Variants in ARHGAP23 observed in about 807,000 individuals in gnomAD.
ARHGAP23 encodes rho GTPase-activating protein 23.
ARHGAP23 carries 34 observed loss-of-function variants against 136.3 expected under a neutral mutation model. The observed-to-expected ratio is 0.25, with a 90% CI of 0.19 to 0.33. ARHGAP23 has a LOEUF of 0.33. Among genes scored for constraint, ARHGAP23 ranks in the 10% least tolerant of loss-of-function variants. The pLI, the probability that ARHGAP23 is intolerant of heterozygous loss-of-function variation, is 1.00. For synonymous variants in ARHGAP23, 832 were observed against 920.5 expected, an observed-to-expected ratio of 0.90 and a Z score of 1.74; for missense variants, 1,808 against 2,139.0, an observed-to-expected ratio of 0.85 and a Z score of 3.05.
chr17:38,471,753 T>C lies in ARHGAP23; in HGVS notation c.1975-110T>C, dbSNP rs1314610164. On this transcript the variant is annotated intron_variant, in intron 10 of 23. Coordinates refer to ENST00000622683, the MANE Select transcript of ARHGAP23 (RefSeq NM_001199417.2). ...CATGAGGTCGCACAGCACATCGGGG[T>C]GTAGCACAGACATATATCAGGCCTG... 2.4e-6 allele frequency: 3 copies of C among 1,274,784 alleles called. No individual in the cohort carries two copies. The African/African-American group carries it at 4.5e-5, about 19-fold the overall frequency. 79.0% of individuals were successfully genotyped at this position (1,274,784 alleles called of 1,614,324 possible). A position where few individuals can be genotyped will look rare whatever the true frequency, so the allele number is the denominator to read the frequency against.
chr17:38,467,371 T>C (rs771432044), intron 7 of ARHGAP23, 40 bp downstream of exon 7: 3 of 1,448,308 alleles, frequency 2.1e-6, no homozygotes, highest in Non-Finnish European at 2.7e-6. Context: ...GGGACTTAGC[T>C]GTCGGCTGTC....
chr17:38,433,227 C>T (rs903986003), intron 1 of ARHGAP23, among the ~76,000 whole-genome samples: 6 of 152,132 alleles, frequency 3.9e-5, no homozygotes, highest in Non-Finnish European at 5.9e-5. Flanking sequence ...TCCCAAAGTG[C>T]GGGGATTACA....
chr17:38,477,951 C>T lies in ARHGAP23; in HGVS notation c.2436+55C>T, dbSNP rs182653546. 6.5e-5 allele frequency: 100 copies of T among 1,531,082 alleles called. No homozygotes were observed. Among genetic ancestry groups the T allele is most frequent in the African/African-American group, 2.1e-4 (15 of 72,646 alleles). 94.8% of individuals were successfully genotyped at this position (1,531,082 alleles called of 1,614,324 possible). On this transcript the variant is annotated intron_variant, in intron 12 of 23. Coordinates refer to ENST00000622683, the MANE Select transcript of ARHGAP23 (RefSeq NM_001199417.2). This position sits in a 1 kb window ranked among gnomAD's most constrained non-coding sequence, Gnocchi z 6.6. ...GAGGGCGGGCGGGGTGGCCTCTCAC[C>T]GGCTGTGGACCTGGGATGCCCGCTC...
intron 3 of ARHGAP23, among the ~76,000 whole-genome samples, chr17:38,462,247 C>CTTTTTTTTTTTTTTTTT (rs59822011): frequency 2.1e-5 from 1 of 46,850 alleles, no homozygotes; most frequent in East Asian, 1.2e-3. Flanking sequence ...CGCACCCGGC[C>CTTTTTTTTTTTTTTTTT]TTTTTTTTTT....
At chr17:38,502,725 A>T (rs1289214185) in intron 23 of ARHGAP23, among the ~76,000 whole-genome samples, 1 of 152,198 alleles carries the variant, frequency 6.6e-6, no homozygotes, top group Non-Finnish European at 1.5e-5. Context: ...ATGGAAAAAT[A>T]TGTGGCTTGA....
chr17:38,475,392 C>A (rs1473437135), intron 11 of ARHGAP23, among the ~76,000 whole-genome samples: 1 of 152,220 alleles, frequency 6.6e-6, no homozygotes, highest in African/African-American at 2.4e-5. Context: ...CAGAGAGGTG[C>A]CCTTGTCACC....
chr17:38,446,881 A>G (rs1397629451), intron 1 of ARHGAP23, among the ~76,000 whole-genome samples: 1 of 151,870 alleles, frequency 6.6e-6, no homozygotes, highest in Admixed American at 6.6e-5. Flanking sequence ...TCATAGCATC[A>G]TAGCTCACTG....
At chr17:38,432,904 C>G (rs1181755185) in intron 1 of ARHGAP23, among the ~76,000 whole-genome samples, 1 of 152,146 alleles carries the variant, frequency 6.6e-6, no homozygotes, top group African/African-American at 2.4e-5. Context: ...AGATGTACTC[C>G]TTGTTCACTG....
Position 38,497,749 on chromosome 17 carries a change from T to C in ARHGAP23, c.3277-36T>C, listed in dbSNP as rs746049178. The stretch of plus-strand genomic sequence containing the variant: ...AGGTGGAAGAGACTCTTCTTTCCCA[T>C]GCTGATTTCATCCCTTCCTTTTGTC... On this transcript the variant is annotated intron_variant, in intron 20 of 23. Transcript: ENST00000622683. The C allele has an allele frequency of 1.9e-6, 3 of 1,545,908 alleles. No homozygotes were observed. The Admixed American group carries it at 5.9e-5, about 30-fold the overall frequency.
chr17:38,458,294 G>C (rs1274563464), intron 2 of ARHGAP23, 31 bp downstream of exon 2: 1 of 1,473,402 alleles, frequency 6.8e-7, no homozygotes, highest in Non-Finnish European at 9.0e-7. Flanking sequence ...CCCTGGTCTG[G>C]GGAAGCTTTC....
chr17:38,452,443 A>T (rs2039198261), intron 1 of ARHGAP23: 1 of 152,160 alleles, frequency 6.6e-6, no homozygotes, highest in South Asian at 2.1e-4. Context: ...TCCAACCCTT[A>T]TGACGCTTCC....
At chr17:38,495,974 T>G (rs562262326) in intron 20 of ARHGAP23, among the ~76,000 whole-genome samples, 2 of 152,272 alleles carry the variant, frequency 1.3e-5, no homozygotes, top group South Asian at 2.1e-4. Context: ...CTCAGCTCAC[T>G]GCAACCTCTG....
chr17:38,449,880 CCT>C (rs1230680650), intron 1 of ARHGAP23, among the ~76,000 whole-genome samples: 2 of 152,094 alleles, frequency 1.3e-5, no homozygotes, highest in Non-Finnish European at 2.9e-5. Context: ...ACCCTGAGCC[CCT>C]CTCTCACTTC....
rs2040722530 is a variant in ARHGAP23, at chr17:38,510,149, C to G, written c.3653C>G (p.Pro1218Arg). Residue 1218 changes from proline to arginine, a missense_variant, in exon 24 of 24, where the codon CCT becomes CGT. Around this residue, in one of 7 missense-constraint regions of ARHGAP23, gnomAD observed 506 missense variants for 455.8 expected, o/e 1.11. Transcript: ENST00000622683. This position sits in a 1 kb window ranked among gnomAD's most constrained non-coding sequence, Gnocchi z 4.6. ...CAGGAGCGGCCGCAGGGGCCGCTGC[C>G]TGGCGCCGTCGCCCCCGAGGCCCCC... is the stretch of plus-strand genomic sequence containing the variant. ...GTQERPQGPL[P>R]GAVAPEAPGR... is the part of the protein sequence containing the mutation. 7.8e-7 allele frequency: 1 copy of G among 1,281,222 alleles called. No individual in the cohort carries two copies. The allele number at this position is 1,281,222 out of a possible 1,614,324, so 79.4% of individuals were successfully genotyped here.
chr17:38,510,793 C>T lies in ARHGAP23; in HGVS notation c.4297C>T (p.Pro1433Ser). ...KELGGGGPPEPAGARAHSDNK... is the reference protein window; with the variant it reads ...KELGGGGPPESAGARAHSDNK... ...GCTGGGCGGAGGGGGCCCCCCGGAGCCTGCGGGCGCGCGGGCGCACAGTGA... is the reference window on the plus strand; with the variant it reads ...GCTGGGCGGAGGGGGCCCCCCGGAGTCTGCGGGCGCGCGGGCGCACAGTGA... The change falls in exon 24 of 24, where the codon CCT (proline) becomes TCT (serine). Residue 1433 changes from proline to serine, a missense_variant. By Grantham distance (74) the Pro-to-Ser change is moderately conservative. Coordinates refer to ENST00000622683, the MANE Select transcript of ARHGAP23 (RefSeq NM_001199417.2). The surrounding 1 kb of genome is among the most constrained non-coding windows in gnomAD (Gnocchi z 4.6). 1 of 1,503,034 alleles carries T rather than the reference C, an allele frequency of 6.7e-7. No individual in the cohort carries two copies. The allele number at this position is 1,503,034 out of a possible 1,614,324, so 93.1% of individuals were successfully genotyped here.
chr17:38,510,636 G>A lies in ARHGAP23; in HGVS notation c.4140G>A (p.Ala1380=). 3 of 1,358,394 alleles carry A rather than the reference G, an allele frequency of 2.2e-6. No individual in the cohort carries two copies. Among genetic ancestry groups the A allele is most frequent in the South Asian group, 1.8e-5 (1 of 55,538 alleles). 84.1% of individuals were successfully genotyped at this position (1,358,394 alleles called of 1,614,324 possible). ...TGCGTCTAAGGCTCCGCGGCACGGCGGACGACATGCTCGCCGTGCGCCTGC... is the reference window on the plus strand; with the variant it reads ...TGCGTCTAAGGCTCCGCGGCACGGCAGACGACATGCTCGCCGTGCGCCTGC... ...EALRLRLRGT[A]DDMLAVRLRR... The change falls in exon 24 of 24, where the codon GCG becomes GCA. Residue 1380 remains alanine, a synonymous_variant. Coordinates refer to ENST00000622683, the MANE Select transcript of ARHGAP23 (RefSeq NM_001199417.2). This position sits in a 1 kb window ranked among gnomAD's most constrained non-coding sequence, Gnocchi z 4.6.
Position 38,510,655 on chromosome 17 carries a change from C to T in ARHGAP23, c.4159C>T (p.Arg1387Cys), listed in dbSNP as rs1478558840. ...CACGGCGGACGACATGCTCGCCGTG[C>T]GCCTGCGGCGGCCGCTGTCGCCCGA... Reference protein sequence around the residue: ...RGTADDMLAVRLRRPLSPETR... With the variant: ...RGTADDMLAVCLRRPLSPETR... The change falls in exon 24 of 24, where the codon CGC (arginine) becomes TGC (cysteine). Residue 1387 changes from arginine (R) to cysteine (C), a missense_variant. By Grantham distance (180) the Arg-to-Cys change is radical. Transcript: ENST00000622683. This position sits in a 1 kb window ranked among gnomAD's most constrained non-coding sequence, Gnocchi z 4.6. 5 of 1,380,344 alleles carry T rather than the reference C, an allele frequency of 3.6e-6. No individual in the cohort carries two copies. The African/African-American group carries it at 7.7e-5, about 21-fold the overall frequency. The allele number at this position is 1,380,344 out of a possible 1,614,324, so 85.5% of individuals were successfully genotyped here.
At chr17:38,500,715 G>A in intron 23 of ARHGAP23, 87 bp downstream of exon 23, 4 of 1,243,612 alleles carry the variant, frequency 3.2e-6, no homozygotes, top group Non-Finnish European at 4.6e-6. Context: ...GGGAATGGCA[G>A]TTGGACCATG....
chr17:38,452,075 A>C (rs1448244285), intron 1 of ARHGAP23: 3 of 152,344 alleles, frequency 2.0e-5, no homozygotes, highest in African/African-American at 4.8e-5. Context: ...CCGCCCCCAC[A>C]CGCCTCACCC....
Sources: allele counts gnomAD v4.1 joint callset (sites outside exome capture counted in the v4.1 genomes callset), GRCh38; gene constraint gnomAD v4.1.1; regional missense constraint gnomAD v4.1.1; non-coding constraint Gnocchi (gnomAD v3.1); transcripts MANE v1.5; gene names NCBI Gene and HGNC (gene_info 2026-07-23, HGNC 2026-07-21).